SPAG6: variants seen among roughly 807,000 people sequenced by gnomAD.
SPAG6 encodes sperm associated antigen 6, also known as sperm-associated antigen 6.
A neutral mutation model predicts 58.5 loss-of-function variants in SPAG6; 49 were observed. The ratio of observed to expected loss-of-function variants is 0.84; its 90% CI spans 0.67 to 1.06. The LOEUF (loss-of-function observed/expected upper bound fraction) is 1.06. SPAG6 is among the 50% of genes least tolerant of loss of function. The probability of loss-of-function intolerance (pLI) is 0.00; values close to 1 mark genes in which losing one functional copy is unlikely to be tolerated. For synonymous variants in SPAG6, 233 were observed against 225.6 expected (o/e 1.03, Z -0.29); for missense variants, 560 against 611.3 (o/e 0.92, Z 0.89).
intron 2 of SPAG6, among the ~76,000 whole-genome samples, chr10:22,352,206 T>C (rs935763986): frequency 5.9e-5 from 9 of 151,522 alleles, no homozygotes; most frequent in African/African-American, 1.9e-4. Context: ...TGTGTGTGCG[T>C]GTATGTGTGT....
At chr10:22,375,576 A>G (rs1420681609) in intron 4 of SPAG6, among the ~76,000 whole-genome samples, 3 of 151,928 alleles carry the variant, frequency 2.0e-5, no homozygotes, top group Admixed American at 2.0e-4. Flanking sequence ...AATTGCCTCA[A>G]AGGATTTTCT....
At chr10:22,355,568 T>C (rs926748664) in intron 2 of SPAG6, among the ~76,000 whole-genome samples, 1 of 152,222 alleles carries the variant, frequency 6.6e-6, no homozygotes, top group African/African-American at 2.4e-5. Flanking sequence ...ACTATTACAA[T>C]TGAATTCTAT....
intron 6 of SPAG6, among the ~76,000 whole-genome samples, chr10:22,388,900 A>C (rs1251450100): frequency 6.6e-6 from 1 of 152,180 alleles, no homozygotes; most frequent in African/African-American, 2.4e-5. Context: ...GAATTTTGAC[A>C]TCCATTATAA....
At chr10:22,388,912 A>C (rs192888678) in intron 6 of SPAG6, among the ~76,000 whole-genome samples, 2 of 152,298 alleles carry the variant, frequency 1.3e-5, no homozygotes, top group Admixed American at 1.3e-4. Flanking sequence ...CCATTATAAT[A>C]GGGATAAAAG....
intron 8 of SPAG6, among the ~76,000 whole-genome samples, chr10:22,399,999 G>A (rs1000723196): frequency 1.3e-5 from 2 of 152,074 alleles, no homozygotes; most frequent in African/African-American, 2.4e-5. Flanking sequence ...AATGTGTCAA[G>A]CAATAAGAGG....
At chr10:22,413,390 T>G (rs971799567) in intron 10 of SPAG6, among the ~76,000 whole-genome samples, 3 of 151,880 alleles carry the variant, frequency 2.0e-5, no homozygotes, top group African/African-American at 4.8e-5. Flanking sequence ...AAAATTAGCC[T>G]GGCATGGTGG....
intron 8 of SPAG6, among the ~76,000 whole-genome samples, chr10:22,400,163 C>T (rs1014626951): frequency 6.6e-6 from 1 of 152,036 alleles, no homozygotes; most frequent in African/African-American, 2.4e-5. Context: ...ATTTCAAGAG[C>T]ACTGCAAAAC....
At chr10:22,368,408 T>C in intron 3 of SPAG6, 87 bp from the exon 4 acceptor site, 2 of 966,944 alleles carry the variant, frequency 2.1e-6, no homozygotes, top group South Asian at 3.5e-5. Context: ...TATAGTAATG[T>C]TATTTTTATG....
intron 2 of SPAG6, among the ~76,000 whole-genome samples, chr10:22,348,486 TGGAA>T (rs753593916): frequency 3.7e-4 from 57 of 152,216 alleles, no homozygotes; most frequent in Non-Finnish European, 7.6e-4. Flanking sequence ...TCTACATACC[TGGAA>T]GATTTTGTTT....
Position 22,416,809 on chromosome 10 carries a change from A to G in SPAG6, c.*121A>G, listed in dbSNP as rs993795858. 4 of 559,772 alleles carry G rather than the reference A, an allele frequency of 7.1e-6. No individual in the cohort carries two copies. The African/African-American group carries it at 7.6e-5, about 11-fold the overall frequency. 34.7% of individuals were successfully genotyped at this position (559,772 alleles called of 1,614,324 possible). On this transcript the variant is annotated 3_prime_UTR_variant, in exon 11 of 11. Transcript: ENST00000376624. ...TTTATTTAATGGGAAATACCTTTAG[A>G]TAATATTTTCTAAATTTATGTAATA...
At chr10:22,411,425 TAA>T (rs2130645816) in intron 10 of SPAG6, 1 of 335,928 alleles carries the variant, frequency 3.0e-6, no homozygotes, top group East Asian at 5.3e-5. Context: ...TGTGCTTTAC[TAA>T]AGAGTACCCA....
At chr10:22,369,027 C>T (rs1837273471) in intron 4 of SPAG6, among the ~76,000 whole-genome samples, 1 of 152,052 alleles carries the variant, frequency 6.6e-6, no homozygotes, top group Non-Finnish European at 1.5e-5. Context: ...ATGGCAAAAA[C>T]CCCAATTACT....
chr10:22,399,976 G>C (rs1174828399), intron 8 of SPAG6, among the ~76,000 whole-genome samples: 2 of 152,174 alleles, frequency 1.3e-5, no homozygotes, highest in Admixed American at 6.5e-5. Flanking sequence ...TTATAAAACA[G>C]TGTTTGAGGA....
rs185269699 is a variant in SPAG6, at chr10:22,375,533, G to A, written c.472+6855G>A. Among the ~76,000 whole-genome samples the A allele has an allele frequency of 5.5e-4, 84 of 151,422 alleles. No individual in the cohort carries two copies. In the East Asian group the frequency reaches 0.013, roughly 24 times the overall value. On this transcript the variant is annotated intron_variant, in intron 4 of 10. Coordinates refer to ENST00000376624, the MANE Select transcript of SPAG6 (RefSeq NM_012443.4). The stretch of plus-strand genomic sequence containing the variant: ...GCTCTTATCAGGGTTTTAGATGAAT[G>A]AACTAGTTTGCTCTAAAAGTGTGGA...
chr10:22,374,976 C>T (rs1325043627), intron 4 of SPAG6, among the ~76,000 whole-genome samples: 2 of 152,170 alleles, frequency 1.3e-5, no homozygotes, highest in Non-Finnish European at 2.9e-5. Context: ...TACTTGATAA[C>T]GCCTACAATT....
Position 22,387,982 on chromosome 10 carries a change from A to C in SPAG6, c.838A>C (p.Lys280Gln). ...TTCTACTTTAATTAGAGAGATTGCA[A>C]AACATACACCCGAGGTGAAAAGAAA... ...NASTLIREIAKHTPELSQLVV... is the reference protein window; with the variant it reads ...NASTLIREIAQHTPELSQLVV... Residue 280 changes from lysine (K) to glutamine (Q), a missense_variant, in exon 6 of 11, where the codon AAA becomes CAA. Physicochemically the swap from Lys to Gln is moderately conservative, Grantham distance 53. Coordinates refer to ENST00000376624, the MANE Select transcript of SPAG6 (RefSeq NM_012443.4). 1 of 1,609,718 alleles carries C rather than the reference A, an allele frequency of 6.2e-7. No individual in the cohort carries two copies. The highest frequency in any genetic ancestry group is 1.3e-5 in the African/African-American group (1 of 74,756).
At chr10:22,375,346 C>G (rs1833792831) in intron 4 of SPAG6, among the ~76,000 whole-genome samples, 1 of 152,148 alleles carries the variant, frequency 6.6e-6, no homozygotes, top group South Asian at 2.1e-4. Flanking sequence ...CTATTAGAAG[C>G]TCAGGAGTTG....
chr10:22,387,813 T>C lies in SPAG6; in HGVS notation c.679-10T>C. On this transcript the variant is annotated splice_polypyrimidine_tract_variant and intron_variant, in intron 5 of 10. Coordinates refer to ENST00000376624, the MANE Select transcript of SPAG6 (RefSeq NM_012443.4). ...TGTTTTGTTGTTGTTGTTTTTTTTT[T>C]GCTTCACAGCATCAGATCCTTTCAG... The C allele has an allele frequency of 6.3e-7, 1 of 1,592,478 alleles. No homozygotes were observed. The highest frequency in any genetic ancestry group is 8.5e-7 in the Non-Finnish European group (1 of 1,174,048).
At chr10:22,408,949 A>T (rs990745465) in intron 9 of SPAG6, among the ~76,000 whole-genome samples, 1 of 151,968 alleles carries the variant, frequency 6.6e-6, no homozygotes, top group Middle Eastern at 3.2e-3. Flanking sequence ...GAACTCCCTG[A>T]CCCCTTGCGC....
Sources: gnomAD v4.1 joint callset for allele counts (sites outside exome capture counted in the v4.1 genomes callset) on GRCh38, gnomAD v4.1.1 for gene constraint, MANE v1.5 for transcripts, NCBI Gene and HGNC (gene_info 2026-07-23, HGNC 2026-07-21) for gene names.